LPP: variants seen among roughly 807,000 people sequenced by gnomAD.
LPP encodes the protein lipoma-preferred partner.
In LPP, 38 loss-of-function variants were observed where a neutral mutation model predicts 60.4. That is an observed-to-expected ratio of 0.63 (90% confidence interval 0.49 to 0.83). The LOEUF is 0.83. Among genes scored for constraint, LPP ranks in the 40% least tolerant of loss-of-function variants. LPP has a pLI of 0.00. For synonymous variants in LPP, 328 were observed against 290.8 expected, an observed-to-expected ratio of 1.13 and a Z score of -1.30; for missense variants, 902 against 783.6, an observed-to-expected ratio of 1.15 and a Z score of -1.80.
At chr3:188,439,209 C>T (rs1793152542) in intron 4 of LPP, among the ~76,000 whole-genome samples, 1 of 152,092 alleles carries the variant, frequency 6.6e-6, no homozygotes, top group African/African-American at 2.4e-5. Context: ...ATTGGTGTTT[C>T]CTGGAAATTT....
intron 7 of LPP, among the ~76,000 whole-genome samples, chr3:188,624,134 A>G (rs1486929563): frequency 1.3e-5 from 2 of 152,240 alleles, no homozygotes; most frequent in Non-Finnish European, 2.9e-5. Context: ...AAGGAAAGAC[A>G]TAGCAAAACT....
Position 188,610,497 on chromosome 3 carries a change from T to C in LPP, c.1113+653T>C, listed in dbSNP as rs1224923013. Among the ~76,000 whole-genome samples, 2 of 152,244 alleles carry C rather than the reference T, an allele frequency of 1.3e-5. No homozygotes were observed. The highest frequency in any genetic ancestry group is 6.5e-5 in the Admixed American group (1 of 15,276). Reference sequence around the variant, plus strand: ...AGGGGCTGCAGTATAATGCAGCTTGTTTGTGACCCCTTGTTTATTCATTTT... The same window carrying C: ...AGGGGCTGCAGTATAATGCAGCTTGCTTGTGACCCCTTGTTTATTCATTTT... On this transcript the variant is annotated intron_variant, in intron 7 of 11. Coordinates refer to ENST00000617246, the MANE Select transcript of LPP (RefSeq NM_001375462.1). The surrounding 1 kb of genome is among the most constrained non-coding windows in gnomAD (Gnocchi z 4.4).
At chr3:188,537,596 A>G (rs1823977183) in intron 6 of LPP, among the ~76,000 whole-genome samples, 1 of 152,208 alleles carries the variant, frequency 6.6e-6, no homozygotes, top group Admixed American at 6.5e-5. Flanking sequence ...GTTCAAAGAT[A>G]TTAAAGAAGC....
chr3:188,789,366 C>T (rs1742962665), intron 9 of LPP, among the ~76,000 whole-genome samples: 1 of 152,154 alleles, frequency 6.6e-6, no homozygotes, highest in Admixed American at 6.5e-5. Context: ...ATCAGGAAAG[C>T]TGGGCCCAGG....
chr3:188,477,514 C>T (rs569833166), intron 4 of LPP, among the ~76,000 whole-genome samples: 21 of 152,174 alleles, frequency 1.4e-4, no homozygotes, highest in African/African-American at 3.9e-4. Flanking sequence ...TTGAGAAGGC[C>T]GAGAAGTGAT....
At position 188,366,103 on chromosome 3, in the gene LPP, T is replaced by C. The variant is rs75914321; in HGVS notation, c.-10+24384T>C. Among the ~76,000 whole-genome samples the C allele has an allele frequency of 3.9e-3, 595 of 152,338 alleles. 8 individuals are homozygous for C. The highest frequency in any genetic ancestry group is 0.014 in the African/African-American group (580 of 41,586). ...CTCTGCTTCTATGTGTTTGACTTTT[T>C]TAATTTGCACATATCAGTGAGGTCA... On this transcript the variant is annotated intron_variant, in intron 3 of 11. Coordinates refer to ENST00000617246, the MANE Select transcript of LPP (RefSeq NM_001375462.1).
At chr3:188,622,534 T>C (rs1845991423) in intron 7 of LPP, among the ~76,000 whole-genome samples, 1 of 152,196 alleles carries the variant, frequency 6.6e-6, no homozygotes, top group Non-Finnish European at 1.5e-5. Context: ...TGGTTTTTGT[T>C]ATACTTGCAA....
At chr3:188,480,895 G>A (rs933086993) in intron 4 of LPP, among the ~76,000 whole-genome samples, 6 of 152,280 alleles carry the variant, frequency 3.9e-5, no homozygotes, top group East Asian at 1.9e-4. Context: ...AATGAAAGCC[G>A]CATGCTCTTT....
Position 188,874,902 on chromosome 3 carries a change from G to A in LPP, c.*423G>A, listed in dbSNP as rs894226634. 5.1e-5 allele frequency: 12 copies of A among 234,834 alleles called. No individual in the cohort carries two copies. The highest frequency in any genetic ancestry group is 1.3e-4 in the African/African-American group (6 of 45,242). The allele number at this position is 234,834 out of a possible 1,614,324, so 14.5% of individuals were successfully genotyped here. The stretch of plus-strand genomic sequence containing the variant: ...TTGAAATCTCCATCCTATCATTTCC[G>A]TTTTGCCTGTGACTGTAAAGAGTAG... On this transcript the variant is annotated 3_prime_UTR_variant, in exon 12 of 12. Coordinates refer to ENST00000617246, the MANE Select transcript of LPP (RefSeq NM_001375462.1).
chr3:188,406,229 T>A lies in LPP; in HGVS notation c.109T>A (p.Ser37Thr). The part of the protein sequence containing the change: ...HSFGNPSISV[S>T]TQQPPKKFAP... Reference sequence around the variant, plus strand: ...CTTTGGGAACCCCAGCATTTCAGTGTCTACACAACAGCCACCCAAAAAGTT... The same window carrying A: ...CTTTGGGAACCCCAGCATTTCAGTGACTACACAACAGCCACCCAAAAAGTT... The change falls in exon 4 of 12, where the codon TCT (serine) becomes ACT (threonine). Residue 37 changes from serine (S) to threonine (T), a missense_variant. By Grantham distance (58) the Ser-to-Thr change is moderately conservative (BLOSUM62 1). Coordinates refer to ENST00000617246, the MANE Select transcript of LPP (RefSeq NM_001375462.1). 1 of 1,614,176 alleles carries A rather than the reference T, an allele frequency of 6.2e-7. No individual in the cohort carries two copies. Among genetic ancestry groups the A allele is most frequent in the East Asian group, 2.2e-5 (1 of 44,890 alleles).
chr3:188,250,695 C>T (rs61397230), intron 2 of LPP, among the ~76,000 whole-genome samples: 4,199 of 151,498 alleles, frequency 0.028, 220 homozygotes, highest in African/African-American at 0.094. Context: ...CTCTCTCTCT[C>T]TCTTTTCCTC....
intron 6 of LPP, among the ~76,000 whole-genome samples, chr3:188,569,294 G>T (rs370782141): frequency 3.7e-4 from 56 of 151,978 alleles, no homozygotes; most frequent in Non-Finnish European, 6.6e-4. Context: ...CAGGAGTCTG[G>T]GGGGAAGACA....
intron 1 of LPP, among the ~76,000 whole-genome samples, chr3:188,221,010 G>A (rs983429696): frequency 2.0e-5 from 3 of 152,226 alleles, no homozygotes; most frequent in East Asian, 1.9e-4. Flanking sequence ...GTCACTTCCC[G>A]AAACGCAACA....
At chr3:188,285,740 C>G (rs1743699537) in intron 2 of LPP, among the ~76,000 whole-genome samples, 1 of 152,140 alleles carries the variant, frequency 6.6e-6, no homozygotes, top group African/African-American at 2.4e-5. Context: ...GCACCAGCAC[C>G]AACAGCCTCC....
intron 1 of LPP, among the ~76,000 whole-genome samples, chr3:188,174,173 AAG>A (rs998353385): frequency 1.3e-5 from 2 of 152,234 alleles, no homozygotes; most frequent in Admixed American, 1.3e-4. Context: ...CAAAACAAAG[AAG>A]AGTTATTCAT....
At chr3:188,696,596 C>T (rs1289896255) in intron 7 of LPP, among the ~76,000 whole-genome samples, 3 of 152,146 alleles carry the variant, frequency 2.0e-5, no homozygotes, top group Non-Finnish European at 2.9e-5. Flanking sequence ...ACAACAACAA[C>T]AACTCACAAA....
At position 188,284,111 on chromosome 3, in the gene LPP, G is replaced by T. The variant is rs879634019; in HGVS notation, c.-66-57552G>T. Among the ~76,000 whole-genome samples the T allele has an allele frequency of 4.3e-4, 65 of 151,962 alleles. 1 individual carries two copies. Among genetic ancestry groups the T allele is most frequent in the Non-Finnish European group, 1.3e-4 (9 of 68,010 alleles). ...ATATCCTTCTAAAATCAGCATCTCG[G>T]CCGGACGCAGTGGCTCACGCCTGTA... is the stretch of plus-strand genomic sequence containing the variant. On this transcript the variant is annotated intron_variant, in intron 2 of 11. Coordinates refer to ENST00000617246, the MANE Select transcript of LPP (RefSeq NM_001375462.1).
At chr3:188,772,597 C>G (rs1560184945) in intron 9 of LPP, among the ~76,000 whole-genome samples, 1 of 152,132 alleles carries the variant, frequency 6.6e-6, no homozygotes, top group Admixed American at 6.5e-5. Context: ...TGGGTTCGCG[C>G]CATTCTCCTG....
intron 2 of LPP, among the ~76,000 whole-genome samples, chr3:188,280,891 A>G (rs1345845479): frequency 6.6e-6 from 1 of 151,032 alleles, no homozygotes; most frequent in Non-Finnish European, 1.5e-5. Flanking sequence ...CTTCTTCTTC[A>G]TGTCAGTTCT....
Sources: gnomAD v4.1 joint callset for allele counts (sites outside exome capture counted in the v4.1 genomes callset) on GRCh38, gnomAD v4.1.1 for gene constraint, Gnocchi (gnomAD v3.1) non-coding constraint, MANE v1.5 for transcripts, NCBI Gene and HGNC (gene_info 2026-07-23, HGNC 2026-07-21) for gene names.